The following M1AP variants were observed in gnomAD, a reference collection of about 807,000 sequenced individuals.
The protein encoded by M1AP is meiosis 1 associated protein.
M1AP carries 39 observed loss-of-function variants against 51.2 expected under a neutral mutation model. The ratio of observed to expected loss-of-function variants is 0.76; its 90% CI spans 0.59 to 1.00. The LOEUF is 1.00. Ranked by LOEUF, M1AP falls within the 50% of genes least tolerant of loss-of-function variation. The pLI is 0.00. For synonymous variants in M1AP, 251 were observed against 249.2 expected (o/e 1.01, Z -0.07); for missense variants, 545 against 641.2 (o/e 0.85, Z 1.62).
intron 2 of M1AP, among the ~76,000 whole-genome samples, chr2:74,630,243 T>C (rs1320341024): frequency 6.6e-6 from 1 of 152,206 alleles, no homozygotes; most frequent in African/African-American, 2.4e-5. Context: ...GGCTGGTATA[T>C]AGGTATTCAA....
chr2:74,619,795 CA>C (rs1488687448), intron 2 of M1AP, among the ~76,000 whole-genome samples: 1 of 152,134 alleles, frequency 6.6e-6, no homozygotes, highest in Non-Finnish European at 1.5e-5. Flanking sequence ...AAGACTTGCA[CA>C]GTGCCCGAGA....
chr2:74,636,510 C>G (rs1189082447), intron 2 of M1AP, among the ~76,000 whole-genome samples: 1 of 152,008 alleles, frequency 6.6e-6, no homozygotes, highest in Non-Finnish European at 1.5e-5. Context: ...CTTGTTCCCT[C>G]TGTTTTTAGT....
Position 74,640,261 on chromosome 2 carries a change from T to G in M1AP, c.15A>C (p.Arg5=), listed in dbSNP as rs1683216819. MHPG[R]TTGKGPSTHT... ...GAGTAGAGGGCCCTTTACCAGTAGT[T>G]CGCCCAGGATGCATGGCAGCAAAAC... Residue 5 remains arginine (R), a synonymous_variant, in exon 2 of 11, where the codon CGA becomes CGC. Coordinates refer to ENST00000421985, the MANE Select transcript of M1AP (RefSeq NM_001321739.2). The G allele has an allele frequency of 6.2e-7, 1 of 1,613,908 alleles. No homozygotes were observed. Among genetic ancestry groups the G allele is most frequent in the Non-Finnish European group, 8.5e-7 (1 of 1,179,980 alleles).
chr2:74,561,217 AAGG>A (rs1558643914), intron 8 of M1AP, among the ~76,000 whole-genome samples: 11 of 24,722 alleles, frequency 4.4e-4, no homozygotes, highest in African/African-American at 7.5e-4. Flanking sequence ...GGAGGAGGAG[AAGG>A]AGGAGGAGGA....
chr2:74,572,350 G>C (rs1312736890), intron 7 of M1AP, among the ~76,000 whole-genome samples: 1 of 152,138 alleles, frequency 6.6e-6, no homozygotes, highest in Non-Finnish European at 1.5e-5. Flanking sequence ...CCCCTAAGCA[G>C]TGTCTCCCTC....
chr2:74,622,957 G>GA (rs57227340), intron 2 of M1AP, among the ~76,000 whole-genome samples: 16,144 of 129,004 alleles, frequency 0.13, 1,566 homozygotes, highest in African/African-American at 0.27. Context: ...AAATAGAGTG[G>GA]AAAAAAAAAA....
At chr2:74,576,891 T>C in intron 5 of M1AP, 1 of 1,175,274 alleles carries the variant, frequency 8.5e-7, no homozygotes, top group South Asian at 2.4e-5. Context: ...TTACTTGTTT[T>C]ACTTCTGGGC....
intron 4 of M1AP, among the ~76,000 whole-genome samples, chr2:74,590,294 A>G (rs1679964359): frequency 6.6e-6 from 1 of 152,186 alleles, no homozygotes; most frequent in African/African-American, 2.4e-5. Context: ...TGGAGGGGGC[A>G]GACAAGCTCC....
chr2:74,584,231 G>C (rs1305759125), intron 4 of M1AP, among the ~76,000 whole-genome samples: 1 of 152,246 alleles, frequency 6.6e-6, no homozygotes, highest in African/African-American at 2.4e-5. Flanking sequence ...ACTTTGATTT[G>C]AGTAACAAGT....
intron 4 of M1AP, among the ~76,000 whole-genome samples, chr2:74,583,016 AAAAATAAATAAATAAAT>A (rs1428678818): frequency 9.2e-5 from 14 of 152,056 alleles, no homozygotes; most frequent in Middle Eastern, 6.8e-3. Flanking sequence ...ATCTCAAAAG[AAAAATAAATAAATAAAT>A]AAAATAAATA....
At chr2:74,618,762 A>G in intron 2 of M1AP, 1 of 238,752 alleles carries the variant, frequency 4.2e-6, no homozygotes. Context: ...AATGTGCCAA[A>G]CCCCAAAGAA....
chr2:74,632,245 CACA>C lies in M1AP; in HGVS notation c.240+7788_240+7790del, dbSNP rs1168241299. Among the ~76,000 whole-genome samples, 13 of 152,322 alleles carry C rather than the reference CACA, an allele frequency of 8.5e-5. No individual in the cohort carries two copies. In the East Asian group the frequency reaches 2.5e-3, roughly 29 times the overall value. On this transcript the variant is annotated intron_variant, in intron 2 of 10. Coordinates refer to ENST00000421985, the MANE Select transcript of M1AP (RefSeq NM_001321739.2). ...CTCATGGGGAAAAAGCTGCCTTTGC[CACA>C]CCAGACTTGGTGCACAGCCAATGCA...
intron 2 of M1AP, among the ~76,000 whole-genome samples, chr2:74,630,214 G>C (rs1373484419): frequency 2.6e-5 from 4 of 152,092 alleles, no homozygotes; most frequent in African/African-American, 7.2e-5. Flanking sequence ...TGGAATTATA[G>C]GCATGAGCCA....
In M1AP at chr2:74,581,794, C is replaced by G. The variant is rs754324894; in HGVS notation, c.649G>C (p.Val217Leu). Reference protein sequence around the residue: ...IDLQTIDNDIVSMEIFFKAWL... With the variant: ...IDLQTIDNDILSMEIFFKAWL... Reference sequence around the variant, plus strand: ...GCTTTGAAGAAAATCTCCATGCTGACGATATCATTGTCTATAGTCTGAAGG... The same window carrying G: ...GCTTTGAAGAAAATCTCCATGCTGAGGATATCATTGTCTATAGTCTGAAGG... The change falls in exon 5 of 11, where the codon GTC becomes CTC. Residue 217 changes from valine (V) to leucine (L), a missense_variant. Coordinates refer to ENST00000421985, the MANE Select transcript of M1AP (RefSeq NM_001321739.2). 1 of 1,613,946 alleles carries G rather than the reference C, an allele frequency of 6.2e-7. No homozygotes were observed. The highest frequency in any genetic ancestry group is 1.7e-5 in the Admixed American group (1 of 60,008).
chr2:74,617,308 G>A (rs1338279457), intron 2 of M1AP, among the ~76,000 whole-genome samples: 1 of 152,166 alleles, frequency 6.6e-6, no homozygotes. Context: ...GTCATATAGG[G>A]TGTCATTAGA....
At chr2:74,605,987 C>A (rs1464271734) in intron 4 of M1AP, among the ~76,000 whole-genome samples, 1 of 152,118 alleles carries the variant, frequency 6.6e-6, no homozygotes, top group Non-Finnish European at 1.5e-5. Flanking sequence ...CTCAAAGATG[C>A]CTGGGCAACT....
intron 7 of M1AP, among the ~76,000 whole-genome samples, chr2:74,575,021 T>C (rs1678971259): frequency 6.6e-6 from 1 of 152,228 alleles, no homozygotes; most frequent in South Asian, 2.1e-4. Flanking sequence ...CTTAAGGTCA[T>C]AGGTAATGTC....
chr2:74,580,402 A>G (rs1305971548), intron 5 of M1AP, among the ~76,000 whole-genome samples: 1 of 152,196 alleles, frequency 6.6e-6, no homozygotes, highest in Non-Finnish European at 1.5e-5. Flanking sequence ...AGAGGTGGAA[A>G]GGAGGTTCTG....
chr2:74,619,784 T>C (rs1051868698), intron 2 of M1AP, among the ~76,000 whole-genome samples: 2 of 152,174 alleles, frequency 1.3e-5, no homozygotes, highest in African/African-American at 4.8e-5. Flanking sequence ...GGAACTAGAT[T>C]AAGACTTGCA....
Sources: gnomAD v4.1 joint callset for allele counts (sites outside exome capture counted in the v4.1 genomes callset) on GRCh38, gnomAD v4.1.1 for gene constraint, MANE v1.5 for transcripts, NCBI Gene and HGNC (gene_info 2026-07-23, HGNC 2026-07-21) for gene names.